C1orf52: variants seen among roughly 807,000 people sequenced by gnomAD.
C1orf52 encodes the protein chromosome 1 open reading frame 52, also known as UPF0690 protein C1orf52.
A neutral mutation model predicts 17.2 loss-of-function variants in C1orf52; 5 were observed. The ratio of observed to expected loss-of-function variants is 0.29; its 90% CI spans 0.15 to 0.61. The LOEUF is 0.61. Ranked by LOEUF, C1orf52 falls within the 20% of genes least tolerant of loss-of-function variation. The pLI, the probability that C1orf52 is intolerant of heterozygous loss-of-function variation, is 0.85. For synonymous variants in C1orf52, 110 were observed against 88.0 expected (o/e 1.25, Z -1.40); for missense variants, 245 against 234.1 (o/e 1.05, Z -0.30).
chr1:85,252,088 G>A lies in C1orf52; in HGVS notation c.*541C>T, dbSNP rs1659814186. On this transcript the variant is annotated 3_prime_UTR_variant, in exon 3 of 3. Coordinates refer to ENST00000471115, the MANE Select transcript of C1orf52 (RefSeq NM_198077.4). ...GCACAAAGCACCTGGAACACAGGAGGCACTCTTTAAATGGTAATACTTCTT... is the reference window on the plus strand; with the variant it reads ...GCACAAAGCACCTGGAACACAGGAGACACTCTTTAAATGGTAATACTTCTT... 1 of 152,426 alleles carries A rather than the reference G, an allele frequency of 6.6e-6. No individual in the cohort carries two copies. Among genetic ancestry groups the A allele is most frequent in the South Asian group, 2.1e-4 (1 of 4,832 alleles). 9.4% of individuals were successfully genotyped at this position (152,426 alleles called of 1,614,324 possible). A position where few individuals can be genotyped will look rare whatever the true frequency, so the allele number is the denominator to read the frequency against.
chr1:85,254,734 T>C (rs1319289132), intron 2 of C1orf52, among the ~76,000 whole-genome samples: 1 of 152,250 alleles, frequency 6.6e-6, no homozygotes, highest in Admixed American at 6.5e-5. Context: ...GCTCCTCTTT[T>C]GAGATTTTCA....
At position 85,256,312 on chromosome 1, in the gene C1orf52, C is replaced by T. The variant is rs549685240; in HGVS notation, c.475+2212G>A. On this transcript the variant is annotated intron_variant, in intron 2 of 2. Coordinates refer to ENST00000471115, the MANE Select transcript of C1orf52 (RefSeq NM_198077.4). ...CATCTGTAAAACAGTAATAATGAGTCATGTAGCACTTCTGTATCAGGTTGC... is the reference window on the plus strand; with the variant it reads ...CATCTGTAAAACAGTAATAATGAGTTATGTAGCACTTCTGTATCAGGTTGC... Among the ~76,000 whole-genome samples, 3 of 152,262 alleles carry T rather than the reference C, an allele frequency of 2.0e-5. No homozygotes were observed. The South Asian group carries it at 6.2e-4, about 32-fold the overall frequency.
At chr1:85,258,130 GAA>G (rs57958537) in intron 2 of C1orf52, among the ~76,000 whole-genome samples, 3 of 138,908 alleles carry the variant, frequency 2.2e-5, no homozygotes, top group Admixed American at 7.3e-5. Context: ...CAAAAAAAAA[GAA>G]AAAAAAAAAG....
intron 2 of C1orf52, among the ~76,000 whole-genome samples, chr1:85,254,252 T>A (rs756036425): frequency 6.6e-6 from 1 of 152,172 alleles, no homozygotes; most frequent in African/African-American, 2.4e-5. Context: ...ATGTAGGCAG[T>A]GGAATAAAAT....
intron 1 of C1orf52, 141 bp from the exon 2 acceptor site, chr1:85,258,863 C>T (rs1456715234): frequency 1.4e-6 from 2 of 1,425,924 alleles, no homozygotes; most frequent in South Asian, 1.5e-5. Context: ...ATTTTTCCAT[C>T]AAAATCACAA....
chr1:85,258,611 T>C lies in C1orf52; in HGVS notation c.388A>G (p.Asn130Asp), dbSNP rs573061586. 1.2e-6 allele frequency: 2 copies of C among 1,614,172 alleles called. No homozygotes were observed. Among genetic ancestry groups the C allele is most frequent in the Admixed American group, 1.7e-5 (1 of 60,024 alleles). Residue 130 changes from asparagine to aspartate, a missense_variant, in exon 2 of 3, where the codon AAC (asparagine) becomes GAC (aspartate). Transcript: ENST00000471115. ...PELDMAIKWSNIYEDNGDDAP... is the reference protein window; with the variant it reads ...PELDMAIKWSDIYEDNGDDAP... ...TCATCACCATTGTCCTCATATATGTTAGACCATTTTATTGCCATGTCAAGC... is the reference window on the plus strand; with the variant it reads ...TCATCACCATTGTCCTCATATATGTCAGACCATTTTATTGCCATGTCAAGC...
At chr1:85,253,933 T>C (rs535156933) in intron 2 of C1orf52, among the ~76,000 whole-genome samples, 1 of 152,356 alleles carries the variant, frequency 6.6e-6, no homozygotes, top group Non-Finnish European at 1.5e-5. Context: ...ATTGTAGCTT[T>C]TGACTTTATT....
chr1:85,254,004 T>C (rs1430363544), intron 2 of C1orf52, among the ~76,000 whole-genome samples: 1 of 152,208 alleles, frequency 6.6e-6, no homozygotes, highest in South Asian at 2.1e-4. Context: ...CTATAAAATA[T>C]CTTGATATTG....
chr1:85,256,952 A>G (rs1175722299), intron 2 of C1orf52, among the ~76,000 whole-genome samples: 2 of 152,222 alleles, frequency 1.3e-5, no homozygotes, highest in African/African-American at 4.8e-5. Flanking sequence ...CAGCAAAAGT[A>G]ATGGAAAAGC....
intron 2 of C1orf52, among the ~76,000 whole-genome samples, chr1:85,256,240 C>T (rs533526432): frequency 6.6e-6 from 1 of 152,278 alleles, no homozygotes; most frequent in East Asian, 1.9e-4. Context: ...TCTTCTTTAG[C>T]TGCGTGAATG....
chr1:85,259,183 A>G (rs1403946171), intron 1 of C1orf52, 175 bp downstream of exon 1: 2 of 1,104,428 alleles, frequency 1.8e-6, no homozygotes, highest in South Asian at 1.6e-5. Context: ...TCTAACACCC[A>G]CCAGGCGGGG....
At chr1:85,257,942 C>CAAAAACAAA (rs967893204) in intron 2 of C1orf52, among the ~76,000 whole-genome samples, 1 of 151,168 alleles carries the variant, frequency 6.6e-6, no homozygotes, top group African/African-American at 2.4e-5. Context: ...CCCACCTCTA[C>CAAAAACAAA]AAAAACAAAA....
chr1:85,259,233 G>C, intron 1 of C1orf52, 125 bp downstream of exon 1: 1 of 1,274,500 alleles, frequency 7.8e-7, no homozygotes, highest in Admixed American at 2.2e-5. Context: ...GTGGGAGGGG[G>C]TGGTGCGGCA....
rs1198194929 is a variant in C1orf52 at position 85,252,177 on chromosome 1, A to ATGT, written c.*449_*451dup. 3 of 153,072 alleles carry ATGT rather than the reference A, an allele frequency of 2.0e-5. No individual in the cohort carries two copies. Among genetic ancestry groups the ATGT allele is most frequent in the Admixed American group, 6.5e-5 (1 of 15,294 alleles). The allele number at this position is 153,072 out of a possible 1,614,324, so 9.5% of individuals were successfully genotyped here. On this transcript the variant is annotated 3_prime_UTR_variant, in exon 3 of 3. Transcript: ENST00000471115. ...GTCACAGACAAACATTCAAATGTTA[A>ATGT]TGTTATACAGTAATAGTAATATTGA...
intron 2 of C1orf52, among the ~76,000 whole-genome samples, chr1:85,253,975 C>A (rs1042034283): frequency 2.0e-5 from 3 of 152,154 alleles, no homozygotes; most frequent in African/African-American, 7.2e-5. Flanking sequence ...AAAAGTTCAA[C>A]AGGTTATCAT....
At chr1:85,258,100 A>G (rs1261285897) in intron 2 of C1orf52, among the ~76,000 whole-genome samples, 1 of 151,742 alleles carries the variant, frequency 6.6e-6, no homozygotes, top group East Asian at 1.9e-4. Context: ...AGCCTGGGCA[A>G]CAAGAGCGAA....
rs1428484864 is a variant in C1orf52, at chr1:85,258,644, G to A, written c.355C>T (p.Pro119Ser). 1 of 1,613,930 alleles carries A rather than the reference G, an allele frequency of 6.2e-7. No homozygotes were observed. The highest frequency in any genetic ancestry group is 1.1e-5 in the South Asian group (1 of 91,072). Reference protein sequence around the residue: ...ETYTTEKKPPPPELDMAIKWS... With the variant: ...ETYTTEKKPPSPELDMAIKWS... ...TTTATTGCCATGTCAAGCTCTGGAGGCGGAGGCTTCTTCTCAGTGGTGTAG... is the reference window on the plus strand; with the variant it reads ...TTTATTGCCATGTCAAGCTCTGGAGACGGAGGCTTCTTCTCAGTGGTGTAG... The change falls in exon 2 of 3, where the codon CCT becomes TCT. Residue 119 changes from proline to serine, a missense_variant. By Grantham distance (74) the Pro-to-Ser change is moderately conservative. Coordinates refer to ENST00000471115, the MANE Select transcript of C1orf52 (RefSeq NM_198077.4).
intron 2 of C1orf52, among the ~76,000 whole-genome samples, chr1:85,257,882 G>C (rs1659984799): frequency 6.6e-6 from 1 of 152,108 alleles, no homozygotes; most frequent in Non-Finnish European, 1.5e-5. Flanking sequence ...GAGGCAGGTG[G>C]ATCACCTGAG....
Position 85,250,039 on chromosome 1 carries a change from C to G in C1orf52, c.*2590G>C, listed in dbSNP as rs1557776412. The G allele has an allele frequency of 6.5e-6, 1 of 153,254 alleles. No individual in the cohort carries two copies. The allele number at this position is 153,254 out of a possible 1,614,324, so 9.5% of individuals were successfully genotyped here. The stretch of plus-strand genomic sequence containing the variant: ...ATGGCAGAAGGCAAGAGGAGCAAGA[C>G]ACATCTTATGTGGAGGGCAGCAGGC... On this transcript the variant is annotated 3_prime_UTR_variant, in exon 3 of 3. Transcript: ENST00000471115.
Sources: gnomAD v4.1 joint callset for allele counts (sites outside exome capture counted in the v4.1 genomes callset) on GRCh38, gnomAD v4.1.1 for gene constraint, MANE v1.5 for transcripts, NCBI Gene and HGNC (gene_info 2026-07-23, HGNC 2026-07-21) for gene names.